The following CACNA2D3 variants were observed in gnomAD, a reference collection of about 807,000 sequenced individuals.
The protein encoded by CACNA2D3 is voltage-dependent calcium channel subunit alpha-2/delta-3.
In CACNA2D3, 60 loss-of-function variants were observed where a neutral mutation model predicts 160.6. The ratio of observed to expected loss-of-function variants is 0.37; its 90% CI spans 0.30 to 0.46. The LOEUF (loss-of-function observed/expected upper bound fraction) is 0.46, where lower values mean the gene tolerates loss of function less well. Ranked by LOEUF, CACNA2D3 falls within the 20% of genes least tolerant of loss-of-function variation. The pLI is 1.00. For synonymous variants in CACNA2D3, 558 were observed against 492.9 expected (o/e 1.13, Z -1.75); for missense variants, 1,205 against 1,365.0 (o/e 0.88, Z 1.85).
intron 2 of CACNA2D3, among the ~76,000 whole-genome samples, chr3:54,243,463 C>G (rs1702010788): frequency 6.6e-6 from 1 of 152,298 alleles, no homozygotes; most frequent in South Asian, 2.1e-4. Context: ...GGTGACCCAT[C>G]TCCACAGCTT....
intron 31 of CACNA2D3, among the ~76,000 whole-genome samples, chr3:54,998,738 GTTTTGTTTTGTT>G (rs1702913922): frequency 6.6e-6 from 1 of 151,196 alleles, no homozygotes; most frequent in Admixed American, 6.6e-5. Context: ...GTTTTGTTTT[GTTTTGTTTTGTT>G]TTGTTTTGTT....
At chr3:54,863,345 C>T (rs748749773) in intron 17 of CACNA2D3, among the ~76,000 whole-genome samples, 5 of 152,088 alleles carry the variant, frequency 3.3e-5, no homozygotes, top group African/African-American at 4.8e-5. Flanking sequence ...TCCTCTTTGC[C>T]GAGGAGCATT....
intron 4 of CACNA2D3, among the ~76,000 whole-genome samples, chr3:54,393,133 C>T (rs1699311096): frequency 6.6e-6 from 1 of 152,192 alleles, no homozygotes; most frequent in Non-Finnish European, 1.5e-5. Flanking sequence ...TACCCCATCC[C>T]CAAGGTGGGG....
chr3:54,503,537 G>A lies in CACNA2D3; in HGVS notation c.427G>A (p.Gly143Arg). 6.2e-7 allele frequency: 1 copy of A among 1,613,856 alleles called. No homozygotes were observed. Among genetic ancestry groups the A allele is most frequent in the Non-Finnish European group, 8.5e-7 (1 of 1,179,760 alleles). Residue 143 changes from glycine to arginine, a missense_variant, in exon 5 of 38, where the codon GGG (glycine) becomes AGG (arginine). By Grantham distance (125) the Gly-to-Arg change is moderately radical. Coordinates refer to ENST00000474759, the MANE Select transcript of CACNA2D3 (RefSeq NM_018398.3). The stretch of plus-strand genomic sequence containing the variant: ...GCTGATAAATGAAAGGGACAAAGAC[G>A]GGAATTTTTTGGAGCTGGGAAAGGA... Reference protein sequence around the residue: ...AVLINERDKDGNFLELGKEFI... With the variant: ...AVLINERDKDRNFLELGKEFI...
intron 11 of CACNA2D3, among the ~76,000 whole-genome samples, chr3:54,729,404 C>A (rs1313824629): frequency 6.6e-6 from 1 of 152,164 alleles, no homozygotes; most frequent in Non-Finnish European, 1.5e-5. Context: ...TAGGATTCAT[C>A]TGACAGTACA....
Position 54,144,755 on chromosome 3 carries a change from C to T in CACNA2D3, c.204+21161C>T, listed in dbSNP as rs562897660. 3.0e-3 allele frequency among the ~76,000 whole-genome samples: 456 copies of T among 152,230 alleles called. 1 individual carries two copies. Among genetic ancestry groups the T allele is most frequent in the Non-Finnish European group, 4.8e-3 (326 of 68,028 alleles). ...CTAAGGGAAAAATAATATGCACTTA[C>T]GGAGTTATTATGAGGATTAAGTGAA... On this transcript the variant is annotated intron_variant, in intron 2 of 37. Transcript: ENST00000474759.
intron 35 of CACNA2D3, among the ~76,000 whole-genome samples, chr3:55,066,566 G>C (rs1479427089): frequency 6.6e-6 from 1 of 152,066 alleles, no homozygotes. Flanking sequence ...CATTTGCTCA[G>C]GAAAGCCCCT....
intron 2 of CACNA2D3, among the ~76,000 whole-genome samples, chr3:54,136,253 A>T (rs1471253368): frequency 3.9e-5 from 6 of 152,356 alleles, no homozygotes; most frequent in Admixed American, 3.9e-4. Context: ...AGTGAAGCTG[A>T]TAGGAGACAG....
At chr3:54,404,233 TA>T (rs1699529497) in intron 4 of CACNA2D3, among the ~76,000 whole-genome samples, 1 of 152,148 alleles carries the variant, frequency 6.6e-6, no homozygotes, top group African/African-American at 2.4e-5. Context: ...AATATTGATG[TA>T]AAAAATCATC....
At chr3:54,714,973 A>C (rs1449482707) in intron 11 of CACNA2D3, among the ~76,000 whole-genome samples, 1 of 152,216 alleles carries the variant, frequency 6.6e-6, no homozygotes, top group Non-Finnish European at 1.5e-5. Flanking sequence ...CACACCAAGC[A>C]ATCAACTGTC....
At chr3:54,743,105 T>G (rs1435491221) in intron 11 of CACNA2D3, among the ~76,000 whole-genome samples, 2 of 152,228 alleles carry the variant, frequency 1.3e-5, no homozygotes, top group Admixed American at 6.5e-5. Context: ...TTCCCTTAAT[T>G]TCCCAAATTT....
chr3:54,539,893 C>T (rs940854211), intron 5 of CACNA2D3, among the ~76,000 whole-genome samples: 7 of 152,102 alleles, frequency 4.6e-5, no homozygotes, highest in African/African-American at 1.2e-4. Context: ...AAGCTGCTGA[C>T]GAGCAGGCCC....
chr3:54,469,146 C>A (rs1196422542), intron 4 of CACNA2D3, among the ~76,000 whole-genome samples: 1 of 152,190 alleles, frequency 6.6e-6, no homozygotes, highest in Non-Finnish European at 1.5e-5. Flanking sequence ...CACCTCCCAG[C>A]AAGGGTCAAT....
At chr3:54,730,762 C>G (rs1394808938) in intron 11 of CACNA2D3, among the ~76,000 whole-genome samples, 1 of 152,140 alleles carries the variant, frequency 6.6e-6, no homozygotes, top group East Asian at 1.9e-4. Context: ...CTTGGCCTCC[C>G]CAAGTGCTGG....
chr3:54,517,092 G>A (rs928392092), intron 5 of CACNA2D3, among the ~76,000 whole-genome samples: 2 of 152,200 alleles, frequency 1.3e-5, no homozygotes, highest in Non-Finnish European at 2.9e-5. Context: ...GGGTGGTGGT[G>A]ATTTGCTTTT....
chr3:54,270,064 A>G (rs573060178), intron 2 of CACNA2D3, among the ~76,000 whole-genome samples: 4 of 152,362 alleles, frequency 2.6e-5, no homozygotes, highest in East Asian at 3.9e-4. Context: ...AAAGCCATAC[A>G]TGAACACCAT....
At chr3:54,219,172 G>A (rs190384064) in intron 2 of CACNA2D3, among the ~76,000 whole-genome samples, 7 of 152,240 alleles carry the variant, frequency 4.6e-5, no homozygotes, top group Admixed American at 3.9e-4. Context: ...GAGCTGCCTC[G>A]TACCAGCTCT....
chr3:55,004,379 C>A (rs115600225), intron 31 of CACNA2D3, among the ~76,000 whole-genome samples: 1,868 of 152,306 alleles, frequency 0.012, 18 homozygotes, highest in Admixed American at 0.017. Flanking sequence ...GTTCTCCTGT[C>A]CCTTGGAGAC....
intron 24 of CACNA2D3, among the ~76,000 whole-genome samples, chr3:54,891,040 G>C (rs1700053659): frequency 6.6e-6 from 1 of 152,138 alleles, no homozygotes. Context: ...CTTGCACCCA[G>C]AACCTTGAAA....
Sources: allele counts gnomAD v4.1 joint callset (sites outside exome capture counted in the v4.1 genomes callset), GRCh38; gene constraint gnomAD v4.1.1; transcripts MANE v1.5; gene names NCBI Gene and HGNC (gene_info 2026-07-23, HGNC 2026-07-21).